Variants in AGXT2 observed in about 807,000 individuals in gnomAD.
AGXT2 encodes the protein alanine--glyoxylate aminotransferase 2, mitochondrial.
In AGXT2, 61 loss-of-function variants were observed where a neutral mutation model predicts 62.5. That is an observed-to-expected ratio of 0.98 (90% CI 0.79 to 1.21). The LOEUF is 1.21. Ranked by LOEUF, AGXT2 falls within the 50% of genes most tolerant of loss-of-function variation. AGXT2 has a pLI of 0.00. For missense variants in AGXT2, 666 were observed against 641.5 expected, an observed-to-expected ratio of 1.04 and a Z score of -0.41; for synonymous variants, 243 against 218.7, an observed-to-expected ratio of 1.11 and a Z score of -0.98.
rs1481115132 is a variant in AGXT2, at chr5:35,038,725, CAGACATG to C, written c.362+592_362+598del. 2.6e-5 allele frequency among the ~76,000 whole-genome samples: 4 copies of C among 152,172 alleles called. No homozygotes were observed. In the South Asian group the frequency reaches 8.3e-4, roughly 32 times the overall value. Reference sequence around the variant, plus strand: ...TCAGATTATTAAAGAAAAGAGAGAACAGACATGAAATGAGAGCACTGCATGGAAACCA... The same window carrying C: ...TCAGATTATTAAAGAAAAGAGAGAACAAATGAGAGCACTGCATGGAAACCA... On this transcript the variant is annotated intron_variant, in intron 3 of 13. Coordinates refer to ENST00000231420, the MANE Select transcript of AGXT2 (RefSeq NM_031900.4).
At position 35,047,920 on chromosome 5, in the gene AGXT2, T is replaced by C. The variant is rs1182852488; in HGVS notation, c.-28A>G. The C allele has an allele frequency of 6.2e-7, 1 of 1,613,656 alleles. No individual in the cohort carries two copies. Among genetic ancestry groups the C allele is most frequent in the Admixed American group, 1.7e-5 (1 of 60,008 alleles). On this transcript the variant is annotated 5_prime_UTR_variant, in exon 1 of 14. The change abolishes an upstream ATG in the 5' untranslated region. Coordinates refer to ENST00000231420, the MANE Select transcript of AGXT2 (RefSeq NM_031900.4). ...CTCCCACTCAGAAAGCCAACCCCCATGGAAGCAGATTGGAGGCCGGGCTCT... is the reference window on the plus strand; with the variant it reads ...CTCCCACTCAGAAAGCCAACCCCCACGGAAGCAGATTGGAGGCCGGGCTCT...
In AGXT2 at chr5:35,037,833, C is replaced by T. The variant is rs112802464; in HGVS notation, c.363-768G>A. ...TCTTTGAAAGATTGGGCCAACCTTA[C>T]AGGATTAGAAGGTTCATACTGAGAG... On this transcript the variant is annotated intron_variant, in intron 3 of 13. Transcript: ENST00000231420. Among the ~76,000 whole-genome samples, 563 of 152,308 alleles carry T rather than the reference C, an allele frequency of 3.7e-3. 2 individuals are homozygous for T. The highest frequency in any genetic ancestry group is 0.017 in the Middle Eastern group (5 of 294).
chr5:35,039,525 T>A lies in AGXT2; in HGVS notation c.178-17A>T, dbSNP rs2112284748. On this transcript the variant is annotated splice_polypyrimidine_tract_variant and intron_variant, in intron 2 of 13. Coordinates refer to ENST00000231420, the MANE Select transcript of AGXT2 (RefSeq NM_031900.4). ...GCCAAGGGACTGTAGATAAACAAGA[T>A]TTAAACCCACACACTTCTTACAAGA... The A allele has an allele frequency of 6.2e-7, 1 of 1,611,946 alleles. No homozygotes were observed. The highest frequency in any genetic ancestry group is 2.2e-5 in the East Asian group (1 of 44,854).
chr5:35,010,485 C>T (rs545475464), intron 11 of AGXT2, among the ~76,000 whole-genome samples: 1 of 151,916 alleles, frequency 6.6e-6, no homozygotes, highest in Non-Finnish European at 1.5e-5. Context: ...CGGGACCAGC[C>T]TGGCCAATAG....
intron 7 of AGXT2, among the ~76,000 whole-genome samples, chr5:35,030,925 C>T (rs1374480436): frequency 6.6e-6 from 1 of 152,188 alleles, no homozygotes; most frequent in Non-Finnish European, 1.5e-5. Flanking sequence ...TTCTCCGTGC[C>T]TCATCTCATG....
chr5:35,005,966 A>AATTTGG (rs1471572443), intron 12 of AGXT2, among the ~76,000 whole-genome samples: 1 of 152,126 alleles, frequency 6.6e-6, no homozygotes, highest in African/African-American at 2.4e-5. Context: ...TTCTATTGAC[A>AATTTGG]ATTTGGTGTG....
chr5:35,007,303 T>G (rs1440616576), intron 12 of AGXT2, among the ~76,000 whole-genome samples: 2 of 152,268 alleles, frequency 1.3e-5, no homozygotes, highest in Admixed American at 1.3e-4. Flanking sequence ...ACATTTCTGT[T>G]GTTTATAAGA....
intron 9 of AGXT2, among the ~76,000 whole-genome samples, chr5:35,017,666 C>T (rs1766896878): frequency 6.6e-6 from 1 of 152,172 alleles, no homozygotes; most frequent in Non-Finnish European, 1.5e-5. Context: ...AGCAGAGCAC[C>T]TCTCCTCCTC....
intron 12 of AGXT2, among the ~76,000 whole-genome samples, chr5:35,004,118 G>T (rs1766336523): frequency 6.6e-6 from 1 of 152,182 alleles, no homozygotes; most frequent in South Asian, 2.1e-4. Context: ...ACAAAATGAA[G>T]TTCTGTGCGG....
intron 9 of AGXT2, among the ~76,000 whole-genome samples, chr5:35,025,181 G>A (rs191213611): frequency 1.8e-3 from 281 of 152,244 alleles, no homozygotes; most frequent in African/African-American, 6.4e-3. Context: ...TTCAAGATCA[G>A]CCTGGCCAAC....
intron 9 of AGXT2, among the ~76,000 whole-genome samples, chr5:35,022,377 G>A (rs1767141441): frequency 6.6e-6 from 1 of 152,002 alleles, no homozygotes. Context: ...TATACACCAT[G>A]GAATACTATG....
Position 35,039,321 on chromosome 5 carries a change from C to A in AGXT2, c.362+3G>T. The A allele has an allele frequency of 6.2e-7, 1 of 1,613,766 alleles. No individual in the cohort carries two copies. The highest frequency in any genetic ancestry group is 8.5e-7 in the Non-Finnish European group (1 of 1,179,694). ...AAAATCTCCAGATTTTAAGGATACTCACGGGTGGCAATGGCCAACACTGAC... is the reference window on the plus strand; with the variant it reads ...AAAATCTCCAGATTTTAAGGATACTAACGGGTGGCAATGGCCAACACTGAC... On this transcript the variant is annotated splice_donor_region_variant and intron_variant, in intron 3 of 13. Coordinates refer to ENST00000231420, the MANE Select transcript of AGXT2 (RefSeq NM_031900.4).
At chr5:35,041,589 T>G (rs1041970321) in intron 1 of AGXT2, among the ~76,000 whole-genome samples, 4 of 152,088 alleles carry the variant, frequency 2.6e-5, no homozygotes, top group African/African-American at 9.7e-5. Flanking sequence ...CTAGAGACCT[T>G]ATAAGTACTC....
At chr5:35,018,179 T>C (rs1260135369) in intron 9 of AGXT2, among the ~76,000 whole-genome samples, 1 of 152,064 alleles carries the variant, frequency 6.6e-6, no homozygotes. Context: ...ACTTCCCCAA[T>C]CTAGCAAGGC....
At chr5:35,034,803 T>C (rs954804043) in intron 5 of AGXT2, among the ~76,000 whole-genome samples, 2 of 152,196 alleles carry the variant, frequency 1.3e-5, no homozygotes, top group African/African-American at 4.8e-5. Flanking sequence ...ATGAAATCAG[T>C]GGACAGCTCC....
chr5:35,046,412 C>G (rs1768210660), intron 1 of AGXT2, among the ~76,000 whole-genome samples: 1 of 152,116 alleles, frequency 6.6e-6, no homozygotes, highest in Non-Finnish European at 1.5e-5. Context: ...AAGAGCAGTC[C>G]AAACAGGATT....
intron 3 of AGXT2, among the ~76,000 whole-genome samples, chr5:35,037,981 T>C (rs1446898274): frequency 6.6e-6 from 1 of 152,222 alleles, no homozygotes; most frequent in Non-Finnish European, 1.5e-5. Context: ...CCAATTTTAT[T>C]TGCTGTTAAT....
At position 35,003,804 on chromosome 5, in the gene AGXT2, G is replaced by C; in HGVS notation, c.1396C>G (p.His466Asp). Residue 466 changes from histidine to aspartate, a missense_variant, in exon 13 of 14, where the codon CAC becomes GAC. Physicochemically the swap from His to Asp is moderately conservative, Grantham distance 81. Transcript: ENST00000231420. ...CCTCTGCCAACGAGGAGTCCCATGT[G>C]CTTGCAGTCCTCATGGATCTGATTT... ...EVNQIHEDCKHMGLLVGRGSI... is the reference protein window; with the variant it reads ...EVNQIHEDCKDMGLLVGRGSI... 1 of 1,614,202 alleles carries C rather than the reference G, an allele frequency of 6.2e-7. No homozygotes were observed. The highest frequency in any genetic ancestry group is 8.5e-7 in the Non-Finnish European group (1 of 1,180,036).
chr5:35,036,910 AAC>A (rs1767789679), intron 4 of AGXT2, 30 bp downstream of exon 4: 3 of 1,613,436 alleles, frequency 1.9e-6, no homozygotes, highest in Middle Eastern at 1.7e-4. Flanking sequence ...TTTCCCCCAT[AAC>A]ATTCACCTCC....
Sources: allele counts gnomAD v4.1 joint callset (sites outside exome capture counted in the v4.1 genomes callset), GRCh38; gene constraint gnomAD v4.1.1; transcripts MANE v1.5; gene names NCBI Gene and HGNC (gene_info 2026-07-23, HGNC 2026-07-21).